TTLL7: variants seen among roughly 807,000 people sequenced by gnomAD.
The protein encoded by TTLL7 is tubulin polyglutamylase TTLL7.
In TTLL7, 53 loss-of-function variants were observed where a neutral mutation model predicts 120.2. The observed-to-expected ratio is 0.44, with a 90% CI of 0.35 to 0.55. The LOEUF is 0.55. Among genes scored for constraint, TTLL7 ranks in the 20% least tolerant of loss-of-function variants. The pLI is 0.00. For missense variants in TTLL7, 803 were observed against 1,054.7 expected (o/e 0.76, Z 3.31); for synonymous variants, 353 against 351.7 (o/e 1.00, Z -0.04).
intron 20 of TTLL7, among the ~76,000 whole-genome samples, chr1:83,879,120 TAAATA>T (rs897229970): frequency 7.2e-5 from 11 of 151,984 alleles, no homozygotes; most frequent in Admixed American, 4.6e-4. Context: ...GTATACTTCA[TAAATA>T]AAATGTGTCA....
At chr1:83,940,151 T>C (rs1442039615) in intron 7 of TTLL7, among the ~76,000 whole-genome samples, 1 of 152,074 alleles carries the variant, frequency 6.6e-6, no homozygotes. Flanking sequence ...AGAGGCCACA[T>C]TTCCTTTCTC....
At chr1:83,898,731 A>G (rs1656455870) in intron 18 of TTLL7, among the ~76,000 whole-genome samples, 1 of 151,852 alleles carries the variant, frequency 6.6e-6, no homozygotes, top group Non-Finnish European at 1.5e-5. Flanking sequence ...AAAAAATTAT[A>G]TATTAAATAT....
chr1:83,950,148 A>C (rs1571283987), intron 3 of TTLL7, among the ~76,000 whole-genome samples, 162 bp from the exon 4 acceptor site: 1 of 152,176 alleles, frequency 6.6e-6, no homozygotes, highest in Non-Finnish European at 1.5e-5. Flanking sequence ...ATCTAGGGCC[A>C]AATTATTCTC....
chr1:83,976,534 AATT>A lies in TTLL7; in HGVS notation c.-177+22394_-177+22396del, dbSNP rs1160950139. Among the ~76,000 whole-genome samples, 4 of 152,112 alleles carry A rather than the reference AATT, an allele frequency of 2.6e-5. No homozygotes were observed. The East Asian group carries it at 5.8e-4, about 22-fold the overall frequency. ...TGAAATTTTTGTGATATGAAATATA[AATT>A]ATTAATAATGAACTGCATCTTTCAT... On this transcript the variant is annotated intron_variant, in intron 1 of 20. Transcript: ENST00000260505.
intron 19 of TTLL7, among the ~76,000 whole-genome samples, chr1:83,889,503 C>T (rs1655263593): frequency 6.6e-6 from 1 of 152,082 alleles, no homozygotes; most frequent in South Asian, 2.1e-4. Context: ...CCCAGTTCCA[C>T]TAGGTCCTTA....
intron 12 of TTLL7, 58 bp downstream of exon 12, chr1:83,921,029 G>A: frequency 1.3e-6 from 2 of 1,507,810 alleles, no homozygotes; most frequent in Non-Finnish European, 1.8e-6. Context: ...AAAACATGAA[G>A]AATCATTGCT....
At chr1:83,995,915 T>C (rs770175339) in intron 1 of TTLL7, among the ~76,000 whole-genome samples, 1 of 152,100 alleles carries the variant, frequency 6.6e-6, no homozygotes, top group Non-Finnish European at 1.5e-5. Context: ...AAATGGAAAA[T>C]TATGTAGTCA....
intron 10 of TTLL7, among the ~76,000 whole-genome samples, chr1:83,926,701 T>C (rs924686932): frequency 3.9e-5 from 6 of 152,184 alleles, no homozygotes; most frequent in African/African-American, 1.4e-4. Context: ...GCTGCAAGCC[T>C]GTAGCCCATG....
intron 1 of TTLL7, among the ~76,000 whole-genome samples, chr1:83,990,619 T>C (rs1319731592): frequency 6.6e-6 from 1 of 152,188 alleles, no homozygotes; most frequent in Non-Finnish European, 1.5e-5. Context: ...ATGTTACTAA[T>C]CATAAGAGAA....
chr1:83,922,314 A>C (rs1658741332), intron 10 of TTLL7, among the ~76,000 whole-genome samples: 1 of 152,166 alleles, frequency 6.6e-6, no homozygotes, highest in Non-Finnish European at 1.5e-5. Flanking sequence ...AAGAGTGTAA[A>C]CCAAAGGAAA....
chr1:83,911,481 T>TC lies in TTLL7; in HGVS notation c.1588-119dup, dbSNP rs984470782. 1.0e-5 allele frequency: 8 copies of TC among 773,934 alleles called. No homozygotes were observed. In the African/African-American group the frequency reaches 1.1e-4, roughly 10 times the overall value. 47.9% of individuals were successfully genotyped at this position (773,934 alleles called of 1,614,324 possible). A position where few individuals can be genotyped will look rare whatever the true frequency, so the allele number is the denominator to read the frequency against. On this transcript the variant is annotated intron_variant, in intron 14 of 20. Coordinates refer to ENST00000260505, the MANE Select transcript of TTLL7 (RefSeq NM_024686.6). ...GCTGCTTTTTACTGAAGGTTGAGAA[T>TC]CCCCCCAAATACTATTGCTGCCATG...
chr1:83,928,907 AT>A (rs71993787), intron 10 of TTLL7, among the ~76,000 whole-genome samples: 4,591 of 147,926 alleles, frequency 0.031, 77 homozygotes, highest in Middle Eastern at 0.087. Context: ...GGGGGGACAG[AT>A]TTTTTTTTTT....
chr1:83,896,523 T>A (rs1027349270), intron 18 of TTLL7, among the ~76,000 whole-genome samples: 2 of 152,042 alleles, frequency 1.3e-5, no homozygotes, highest in African/African-American at 4.8e-5. Flanking sequence ...CACTACATGC[T>A]GTACTAATGA....
In TTLL7 at chr1:83,884,797, A is replaced by G. The variant is rs1017959831; in HGVS notation, c.2370-1661T>C. ...TAAATGACGAGTTAATGGGTGCAGC[A>G]CACCAGCATGGCACATGTATACATG... On this transcript the variant is annotated intron_variant, in intron 19 of 20. Coordinates refer to ENST00000260505, the MANE Select transcript of TTLL7 (RefSeq NM_024686.6). Among the ~76,000 whole-genome samples, 50 of 151,518 alleles carry G rather than the reference A, an allele frequency of 3.3e-4. 1 individual carries two copies. The highest frequency in any genetic ancestry group is 4.9e-4 in the Non-Finnish European group (33 of 67,770).
chr1:83,998,157 T>C (rs1226270718), intron 1 of TTLL7, among the ~76,000 whole-genome samples: 1 of 152,194 alleles, frequency 6.6e-6, no homozygotes, highest in Non-Finnish European at 1.5e-5. Flanking sequence ...AAAACCTATA[T>C]TCGAATTCCT....
chr1:83,975,251 C>G (rs1446343239), intron 1 of TTLL7, among the ~76,000 whole-genome samples: 1 of 152,074 alleles, frequency 6.6e-6, no homozygotes, highest in Non-Finnish European at 1.5e-5. Flanking sequence ...ACCTGGCTCC[C>G]AGCCCCAAAC....
At chr1:83,985,175 T>C (rs1401636578) in intron 1 of TTLL7, among the ~76,000 whole-genome samples, 1 of 152,116 alleles carries the variant, frequency 6.6e-6, no homozygotes, top group East Asian at 1.9e-4. Context: ...GTCCGAAAGC[T>C]TCAAACCAGG....
intron 8 of TTLL7, among the ~76,000 whole-genome samples, chr1:83,935,478 C>T (rs1171016690): frequency 6.6e-6 from 1 of 151,782 alleles, no homozygotes; most frequent in African/African-American, 2.4e-5. Context: ...CATAATATCA[C>T]TGCTTTAAAA....
chr1:83,893,891 A>C (rs1180727961), intron 18 of TTLL7, among the ~76,000 whole-genome samples: 1 of 152,010 alleles, frequency 6.6e-6, no homozygotes, highest in Non-Finnish European at 1.5e-5. Context: ...ATCTGTAATA[A>C]AGTAGTGTGT....
Sources: allele counts gnomAD v4.1 joint callset (sites outside exome capture counted in the v4.1 genomes callset), GRCh38; gene constraint gnomAD v4.1.1; transcripts MANE v1.5; gene names NCBI Gene and HGNC (gene_info 2026-07-23, HGNC 2026-07-21).